SV2C: variants seen among roughly 807,000 people sequenced by gnomAD.
SV2C encodes the protein synaptic vesicle glycoprotein 2C.
In SV2C, 49 loss-of-function variants were observed where a neutral mutation model predicts 79.7. The ratio of observed to expected loss-of-function variants is 0.61; its 90% confidence interval spans 0.49 to 0.78. The LOEUF (loss-of-function observed/expected upper bound fraction) is 0.78, where lower values mean the gene tolerates loss of function less well. Ranked by LOEUF, SV2C falls within the 30% of genes least tolerant of loss-of-function variation. The pLI is 0.00. For synonymous variants in SV2C, 334 were observed against 333.2 expected, an observed-to-expected ratio of 1.00 and a Z score of -0.03; for missense variants, 833 against 912.9, an observed-to-expected ratio of 0.91 and a Z score of 1.13.
chr5:76,338,444 G>T (rs1434623354), downstream of SV2C, among the ~76,000 whole-genome samples: 2 of 152,184 alleles, frequency 1.3e-5, no homozygotes, highest in Non-Finnish European at 2.9e-5. Context: ...TTTGGGTGGG[G>T]CTATAAGGAA....
At chr5:76,181,997 GCC>G (rs1393333898) in intron 2 of SV2C, among the ~76,000 whole-genome samples, 5 of 152,032 alleles carry the variant, frequency 3.3e-5, no homozygotes, top group East Asian at 3.9e-4. Context: ...ACCTTCTCAT[GCC>G]TCCTACGTTA....
At chr5:76,067,818 A>G in the SV2C span, among the ~76,000 whole-genome samples, 2 of 152,098 alleles carry the variant, frequency 1.3e-5, no homozygotes, top group African/African-American at 2.4e-5. Flanking sequence ...TGCTAAGTTT[A>G]TTCTAGGTAT....
At chr5:76,210,912 A>G (rs1045064919) in intron 4 of SV2C, among the ~76,000 whole-genome samples, 26 of 152,170 alleles carry the variant, frequency 1.7e-4, no homozygotes, top group Non-Finnish European at 3.5e-4. Flanking sequence ...GTACTATTGC[A>G]TTTTACTGTG....
Position 76,301,381 on chromosome 5 carries a change from G to A in SV2C, c.1841-5G>A. ...ATTCCAGCCTTTTGTCTGCATTGTT[G>A]GCAGGTGGCTCTATGGTGCTTTCGG... On this transcript the variant is annotated splice_region_variant and splice_polypyrimidine_tract_variant and intron_variant, in intron 11 of 12. Coordinates refer to ENST00000502798, the MANE Select transcript of SV2C (RefSeq NM_014979.4). The A allele has an allele frequency of 6.2e-7, 1 of 1,613,688 alleles. No individual in the cohort carries two copies. Among genetic ancestry groups the A allele is most frequent in the Non-Finnish European group, 8.5e-7 (1 of 1,179,884 alleles).
intron 4 of SV2C, among the ~76,000 whole-genome samples, chr5:76,241,296 C>A (rs1198644356): frequency 6.7e-6 from 1 of 149,342 alleles, no homozygotes. Flanking sequence ...TAACAGTATA[C>A]AACAACTTTC....
intron 12 of SV2C, among the ~76,000 whole-genome samples, chr5:76,338,982 G>A (rs1365197549): frequency 7.0e-6 from 1 of 143,596 alleles, no homozygotes; most frequent in East Asian, 1.9e-4. Context: ...GTACCCTCAG[G>A]CTTGGGCATT....
chr5:76,282,597 G>A (rs1747231141), intron 4 of SV2C, among the ~76,000 whole-genome samples: 1 of 152,200 alleles, frequency 6.6e-6, no homozygotes, highest in African/African-American at 2.4e-5. Context: ...AAACAGTGCT[G>A]GATGAATGCC....
At chr5:76,301,252 C>G in intron 11 of SV2C, 134 bp from the exon 12 acceptor site, 2 of 1,205,906 alleles carry the variant, frequency 1.7e-6, no homozygotes, top group African/African-American at 1.5e-5. Flanking sequence ...TGCACCAGTT[C>G]TTGAGCTTTA....
chr5:76,299,156 C>A (rs199511462), intron 10 of SV2C, among the ~76,000 whole-genome samples: 27 of 152,146 alleles, frequency 1.8e-4, no homozygotes, highest in East Asian at 7.7e-4. Context: ...ACAACAACAA[C>A]AAAAAAATCC....
chr5:76,072,354 A>G, the SV2C span, among the ~76,000 whole-genome samples: 3 of 152,206 alleles, frequency 2.0e-5, no homozygotes, highest in Non-Finnish European at 4.4e-5. Context: ...GGGATTTAAT[A>G]TTGTAGAAAA....
chr5:75,963,114 G>A, the SV2C span, among the ~76,000 whole-genome samples: 5 of 152,140 alleles, frequency 3.3e-5, no homozygotes, highest in Non-Finnish European at 5.9e-5. Flanking sequence ...CACGGAATGG[G>A]AAGGAAGGTC....
chr5:76,186,905 A>T (rs189717814), intron 2 of SV2C, among the ~76,000 whole-genome samples: 1 of 152,168 alleles, frequency 6.6e-6, no homozygotes. Context: ...CTATGATTCA[A>T]TTATTTCCAC....
At chr5:75,856,954 C>A in the SV2C span, among the ~76,000 whole-genome samples, 1 of 144,730 alleles carries the variant, frequency 6.9e-6, no homozygotes, top group Admixed American at 6.8e-5. Context: ...TGTCTTTAAT[C>A]CTTTTTTTTT....
chr5:75,863,895 G>A, the SV2C span, among the ~76,000 whole-genome samples: 1 of 152,232 alleles, frequency 6.6e-6, no homozygotes, highest in African/African-American at 2.4e-5. Context: ...TATCTTTAAG[G>A]TATATCAAGC....
At chr5:76,297,697 A>C (rs1747824063) in intron 9 of SV2C, among the ~76,000 whole-genome samples, 1 of 152,186 alleles carries the variant, frequency 6.6e-6, no homozygotes, top group Non-Finnish European at 1.5e-5. Flanking sequence ...TTTCTTTTTT[A>C]AGCTGATTGG....
At position 76,131,684 on chromosome 5, in the gene SV2C, G is replaced by C; in HGVS notation, c.-67G>C. On this transcript the variant is annotated 5_prime_UTR_variant, in exon 2 of 13. Coordinates refer to ENST00000502798, the MANE Select transcript of SV2C (RefSeq NM_014979.4). The stretch of plus-strand genomic sequence containing the variant: ...GAACCCAAAGTGGATGATGCTGTCA[G>C]AGCTGAACCACTGAAAGGAGGCTGT... The C allele has an allele frequency of 7.1e-7, 1 of 1,402,932 alleles. No individual in the cohort carries two copies. The highest frequency in any genetic ancestry group is 9.7e-7 in the Non-Finnish European group (1 of 1,026,246). 86.9% of individuals were successfully genotyped at this position (1,402,932 alleles called of 1,614,324 possible).
chr5:76,001,366 C>A, the SV2C span, among the ~76,000 whole-genome samples: 14 of 152,142 alleles, frequency 9.2e-5, no homozygotes, highest in African/African-American at 3.4e-4. Flanking sequence ...TTTGGGAGGC[C>A]GGGGTGGGTG....
At chr5:75,950,048 T>TG in the SV2C span, among the ~76,000 whole-genome samples, 1 of 151,778 alleles carries the variant, frequency 6.6e-6, no homozygotes, top group Admixed American at 6.6e-5. Flanking sequence ...GAGAGGAGTG[T>TG]GGGAAAAAAG....
At chr5:76,243,012 T>TAAAAAAAAAAAAAAAAAAAA (rs559052290) in intron 4 of SV2C, among the ~76,000 whole-genome samples, 16 of 49,924 alleles carry the variant, frequency 3.2e-4, no homozygotes, top group African/African-American at 4.5e-4. Flanking sequence ...AGACCCCATC[T>TAAAAAAAAAAAAAAAAAAAA]AAAAAAAAAA....
Sources: gnomAD v4.1 joint callset for allele counts (sites outside exome capture counted in the v4.1 genomes callset) on GRCh38, gnomAD v4.1.1 for gene constraint, MANE v1.5 for transcripts, NCBI Gene and HGNC (gene_info 2026-07-23, HGNC 2026-07-21) for gene names.